Variants in MACROD2 observed in about 807,000 individuals in gnomAD.
The protein encoded by MACROD2 is ADP-ribose glycohydrolase MACROD2.
In MACROD2, 36 loss-of-function variants were observed where a neutral mutation model predicts 70.4. The observed-to-expected ratio is 0.51, with a 90% CI of 0.39 to 0.68. The LOEUF (loss-of-function observed/expected upper bound fraction) is 0.68. Ranked by LOEUF, MACROD2 falls within the 30% of genes least tolerant of loss-of-function variation. MACROD2 has a pLI of 0.00. For missense variants in MACROD2, 496 were observed against 538.4 expected (o/e 0.92, Z 0.78); for synonymous variants, 172 against 178.8 (o/e 0.96, Z 0.30).
intron 5 of MACROD2, among the ~76,000 whole-genome samples, chr20:15,003,338 T>C (rs1009346282): frequency 6.6e-6 from 1 of 152,198 alleles, no homozygotes; most frequent in African/African-American, 2.4e-5. Context: ...CAATAGCATT[T>C]ATTAAGGGCC....
chr20:15,119,002 G>A (rs1411920315), intron 5 of MACROD2, among the ~76,000 whole-genome samples: 1 of 152,222 alleles, frequency 6.6e-6, no homozygotes. Context: ...TTGGCATGAA[G>A]CATGTATGTA....
chr20:14,894,658 AT>A (rs1411904861), intron 5 of MACROD2: 7 of 152,278 alleles, frequency 4.6e-5, no homozygotes, highest in East Asian at 1.9e-4. Context: ...ATTTAATATT[AT>A]TTTTCCCCAA....
chr20:14,791,117 A>G (rs933558725), intron 5 of MACROD2, among the ~76,000 whole-genome samples: 1 of 152,116 alleles, frequency 6.6e-6, no homozygotes, highest in Non-Finnish European at 1.5e-5. Context: ...TGCAATATCT[A>G]TATTTGGTCT....
chr20:15,327,851 A>G (rs2077948205), intron 6 of MACROD2, among the ~76,000 whole-genome samples: 5 of 152,126 alleles, frequency 3.3e-5, no homozygotes, highest in African/African-American at 1.2e-4. Context: ...TGAGATAGCT[A>G]AAGTTCATTA....
At chr20:15,779,988 T>C (rs2051802249) in intron 8 of MACROD2, among the ~76,000 whole-genome samples, 1 of 152,104 alleles carries the variant, frequency 6.6e-6, no homozygotes. Context: ...GGTTAGCACA[T>C]TTAGCTTAGA....
chr20:14,204,147 G>T (rs2081503510), intron 3 of MACROD2, among the ~76,000 whole-genome samples: 1 of 152,168 alleles, frequency 6.6e-6, no homozygotes. Flanking sequence ...AGGGGGTGGG[G>T]TTGCTGTCAA....
At chr20:14,792,504 G>A (rs756724172) in intron 5 of MACROD2, among the ~76,000 whole-genome samples, 18 of 151,984 alleles carry the variant, frequency 1.2e-4, no homozygotes, top group Non-Finnish European at 2.1e-4. Flanking sequence ...AAAATCATTT[G>A]GTGATCTGCC....
chr20:14,190,908 C>CCAGGGGTTTCACT (rs2081382574), intron 3 of MACROD2, among the ~76,000 whole-genome samples: 1 of 150,544 alleles, frequency 6.6e-6, no homozygotes, highest in African/African-American at 2.4e-5. Flanking sequence ...AGGGTTTCAC[C>CCAGGGGTTTCACT]GTGTTAGCCA....
At chr20:15,020,136 T>G (rs952955713) in intron 5 of MACROD2, among the ~76,000 whole-genome samples, 5 of 152,126 alleles carry the variant, frequency 3.3e-5, no homozygotes, top group African/African-American at 1.2e-4. Flanking sequence ...GGCTATAGTT[T>G]GCCTACTTCT....
chr20:14,748,626 T>A (rs1304542093), intron 5 of MACROD2, among the ~76,000 whole-genome samples: 3 of 152,154 alleles, frequency 2.0e-5, no homozygotes, highest in African/African-American at 7.2e-5. Flanking sequence ...TTGCTTAGTA[T>A]AAGGGTGGAC....
chr20:15,677,702 A>AC (rs1555859234), intron 8 of MACROD2, among the ~76,000 whole-genome samples: 13,185 of 129,670 alleles, frequency 0.1, 1,158 homozygotes, highest in African/African-American at 0.31. Context: ...CAACCAACCA[A>AC]CCAAATACAT....
intron 8 of MACROD2, among the ~76,000 whole-genome samples, chr20:15,616,572 G>A (rs1395939799): frequency 1.3e-5 from 2 of 152,080 alleles, no homozygotes; most frequent in Non-Finnish European, 2.9e-5. Context: ...TCTGGTAAAC[G>A]CCCCAGGACA....
chr20:15,994,584 T>C (rs1263114566), intron 15 of MACROD2, among the ~76,000 whole-genome samples: 1 of 152,216 alleles, frequency 6.6e-6, no homozygotes, highest in Admixed American at 6.5e-5. Context: ...TACACAATAT[T>C]GTCCTCTGCC....
At chr20:15,697,760 G>T (rs1225998229) in intron 8 of MACROD2, among the ~76,000 whole-genome samples, 1 of 152,118 alleles carries the variant, frequency 6.6e-6, no homozygotes, top group Non-Finnish European at 1.5e-5. Context: ...TATATGTTTA[G>T]GATAGTGATA....
At chr20:14,642,631 C>T (rs1355671842) in intron 4 of MACROD2, among the ~76,000 whole-genome samples, 3 of 152,014 alleles carry the variant, frequency 2.0e-5, no homozygotes, top group Non-Finnish European at 2.9e-5. Context: ...CTCAGCCAAT[C>T]GAAAAGCCCA....
intron 7 of MACROD2, among the ~76,000 whole-genome samples, chr20:15,457,366 C>CA (rs1346249490): frequency 6.6e-6 from 1 of 152,088 alleles, no homozygotes; most frequent in Admixed American, 6.6e-5. Flanking sequence ...AATTGACCAT[C>CA]ATCTCCTTGT....
intron 8 of MACROD2, among the ~76,000 whole-genome samples, chr20:15,797,669 CTA>C (rs775608396): frequency 1.3e-5 from 2 of 152,176 alleles, no homozygotes; most frequent in Non-Finnish European, 2.9e-5. Flanking sequence ...CCTGAGTAGA[CTA>C]ATCATAATCT....
rs981713199 is a variant in MACROD2, at chr20:15,430,364, C to T, written c.541-1041C>T. On this transcript the variant is annotated intron_variant, in intron 6 of 17. Transcript: ENST00000684519. ...TATCTTTAGTTCTTTGAGAAATCTC[C>T]GTACTGTTTTCTGTAGAGGTTGTAC... 1.3e-4 allele frequency among the ~76,000 whole-genome samples: 20 copies of T among 151,976 alleles called. No individual in the cohort carries two copies. In the East Asian group the frequency reaches 1.3e-3, roughly 10 times the overall value.
chr20:15,045,442 C>CG (rs1174753447), intron 5 of MACROD2, among the ~76,000 whole-genome samples: 1 of 152,070 alleles, frequency 6.6e-6, no homozygotes, highest in Non-Finnish European at 1.5e-5. Flanking sequence ...ATTTGAGGCC[C>CG]GGGGGAGAAA....
Sources: allele counts gnomAD v4.1 joint callset (sites outside exome capture counted in the v4.1 genomes callset), GRCh38; gene constraint gnomAD v4.1.1; transcripts MANE v1.5; gene names NCBI Gene and HGNC (gene_info 2026-07-23, HGNC 2026-07-21).